Variants in PTPRN2 observed in about 807,000 individuals in gnomAD.
PTPRN2 encodes receptor-type tyrosine-protein phosphatase N2.
A neutral mutation model predicts 118.8 loss-of-function variants in PTPRN2; 74 were observed. That is an observed-to-expected ratio of 0.62 (90% CI 0.52 to 0.76). The LOEUF is 0.76. Ranked by LOEUF, PTPRN2 falls within the 30% of genes least tolerant of loss-of-function variation. PTPRN2 has a pLI of 0.00. For missense variants in PTPRN2, 1,481 were observed against 1,394.4 expected (o/e 1.06, Z -0.99); for synonymous variants, 641 against 608.0 (o/e 1.05, Z -0.80).
chr7:158,385,586 A>G (rs1275726384), intron 2 of PTPRN2, among the ~76,000 whole-genome samples: 5 of 152,240 alleles, frequency 3.3e-5, no homozygotes, highest in Non-Finnish European at 7.3e-5. Context: ...TAATGATAAT[A>G]ATGCCTTAAG....
At chr7:158,311,720 C>CAGA (rs1243102025) in intron 3 of PTPRN2, among the ~76,000 whole-genome samples, 1 of 152,220 alleles carries the variant, frequency 6.6e-6, no homozygotes, top group Non-Finnish European at 1.5e-5. Flanking sequence ...AGACGACAGG[C>CAGA]AGAAGCACAG....
At position 157,840,440 on chromosome 7, in the gene PTPRN2, G is replaced by A. The variant is rs554248160; in HGVS notation, c.1788+58233C>T. Reference sequence around the variant, plus strand: ...TGACTGTGTGTGACTGTGTGACCGCGTGTGACTGTGTGACCGCGTGTGACT... The same window carrying A: ...TGACTGTGTGTGACTGTGTGACCGCATGTGACTGTGTGACCGCGTGTGACT... On this transcript the variant is annotated intron_variant, in intron 12 of 22. Coordinates refer to ENST00000389418, the MANE Select transcript of PTPRN2 (RefSeq NM_002847.5). Among the ~76,000 whole-genome samples, 3 of 151,162 alleles carry A rather than the reference G, an allele frequency of 2.0e-5. No homozygotes were observed. In the South Asian group the frequency reaches 6.4e-4, roughly 32 times the overall value.
chr7:157,554,779 C>T (rs956709990), intron 21 of PTPRN2, among the ~76,000 whole-genome samples: 21 of 152,366 alleles, frequency 1.4e-4, no homozygotes, highest in African/African-American at 5.1e-4. Flanking sequence ...GGGGACAGAG[C>T]GTGGGGTCCA....
At position 157,764,247 on chromosome 7, in the gene PTPRN2, G is replaced by A. The variant is rs944361262; in HGVS notation, c.1789-81310C>T. 2.0e-5 allele frequency among the ~76,000 whole-genome samples: 3 copies of A among 152,192 alleles called. No individual in the cohort carries two copies. The highest frequency in any genetic ancestry group is 2.1e-4 in the South Asian group (1 of 4,826). ...CCAGGGGCATATGCCCAAAAGCACC[G>A]AATGCAGTGACTCAGAGAGAGATTC... On this transcript the variant is annotated intron_variant, in intron 12 of 22. Coordinates refer to ENST00000389418, the MANE Select transcript of PTPRN2 (RefSeq NM_002847.5). The surrounding 1 kb of genome is among the most constrained non-coding windows in gnomAD (Gnocchi z 4.5).
chr7:158,251,547 T>A lies in PTPRN2; in HGVS notation c.278-46274A>T, dbSNP rs548293075. Among the ~76,000 whole-genome samples, 24 of 137,758 alleles carry A rather than the reference T, an allele frequency of 1.7e-4. 2 individuals carry two copies. Among genetic ancestry groups the A allele is most frequent in the Admixed American group, 1.7e-3 (23 of 13,366 alleles). 90.4% of individuals were successfully genotyped at this position (137,758 alleles called of 152,430 possible). A position where few individuals can be genotyped will look rare whatever the true frequency, so the allele number is the denominator to read the frequency against. ...GTGCATGTGGGGGGTGTGCAATGGA[T>A]GTCTATGGTGCCTGTGGGGTGTGTG... On this transcript the variant is annotated intron_variant, in intron 3 of 22. Transcript: ENST00000389418.
chr7:157,754,492 C>T (rs906384517), intron 12 of PTPRN2, among the ~76,000 whole-genome samples: 1 of 152,246 alleles, frequency 6.6e-6, no homozygotes, highest in African/African-American at 2.4e-5. Flanking sequence ...AGCCCCTGTC[C>T]CCCCTTGGCT....
intron 12 of PTPRN2, among the ~76,000 whole-genome samples, chr7:157,706,910 A>C (rs1001989834): frequency 6.6e-6 from 1 of 151,528 alleles, no homozygotes; most frequent in African/African-American, 2.4e-5. Flanking sequence ...ATCCCTCCAG[A>C]ATGCCGGGAA....
chr7:158,208,281 G>A (rs1397408328), intron 3 of PTPRN2, among the ~76,000 whole-genome samples: 1 of 152,142 alleles, frequency 6.6e-6, no homozygotes, highest in East Asian at 1.9e-4. Flanking sequence ...AGATGTCAGT[G>A]TTCAAGTATA....
rs144584402 is a variant in PTPRN2, at chr7:157,657,901, GACAC to G, written c.2002-1354_2002-1351del. On this transcript the variant is annotated intron_variant, in intron 13 of 22. Transcript: ENST00000389418. ...ACACACACACACCACACACATCACA[GACAC>G]ACACACACCACACACATCGCAGACA... Among the ~76,000 whole-genome samples, 525 of 104,310 alleles carry G rather than the reference GACAC, an allele frequency of 5.0e-3. 20 individuals are homozygous for G. Among genetic ancestry groups the G allele is most frequent in the East Asian group, 0.035 (117 of 3,338 alleles). 68.4% of individuals were successfully genotyped at this position (104,310 alleles called of 152,430 possible).
chr7:158,476,732 C>T (rs58169200), intron 2 of PTPRN2, among the ~76,000 whole-genome samples: 12,799 of 152,326 alleles, frequency 0.084, 605 homozygotes, highest in Middle Eastern at 0.12. Flanking sequence ...GCGTCCTTAG[C>T]GGGGATGCTA....
chr7:158,411,752 G>A (rs1814112608), intron 2 of PTPRN2, among the ~76,000 whole-genome samples: 1 of 152,206 alleles, frequency 6.6e-6, no homozygotes, highest in Middle Eastern at 3.2e-3. Flanking sequence ...GGTCTCAGGG[G>A]CCAGGGCCCA....
chr7:157,994,880 C>T (rs759400958), intron 11 of PTPRN2, among the ~76,000 whole-genome samples: 4 of 8,324 alleles, frequency 4.8e-4, no homozygotes, highest in Non-Finnish European at 7.0e-4. Context: ...CTAAAATCAA[C>T]GCCGTGTCCC....
intron 2 of PTPRN2, among the ~76,000 whole-genome samples, chr7:158,435,062 A>G (rs1298797696): frequency 1.3e-5 from 2 of 152,240 alleles, no homozygotes; most frequent in Non-Finnish European, 1.5e-5. Context: ...TTTTTTGGAT[A>G]TGACACCAAA....
intron 11 of PTPRN2, among the ~76,000 whole-genome samples, chr7:157,942,193 A>ACG (rs112859007): frequency 0.031 from 1,139 of 36,632 alleles, 24 homozygotes; most frequent in Middle Eastern, 0.028. Flanking sequence ...CACCCTCCAC[A>ACG]CACAGGGGTC....
At chr7:158,198,451 G>A (rs1024370723) in intron 4 of PTPRN2, among the ~76,000 whole-genome samples, 2 of 152,190 alleles carry the variant, frequency 1.3e-5, no homozygotes, top group African/African-American at 4.8e-5. Flanking sequence ...GATAATATGA[G>A]ATAGTCTAGA....
At chr7:158,460,056 T>C (rs551044801) in intron 2 of PTPRN2, among the ~76,000 whole-genome samples, 170 of 116,876 alleles carry the variant, frequency 1.5e-3, no homozygotes, top group Non-Finnish European at 1.8e-3. Flanking sequence ...GTCATCCAGC[T>C]GCAGGATGGG....
chr7:157,614,998 G>T (rs778867016), intron 15 of PTPRN2, among the ~76,000 whole-genome samples: 6 of 152,244 alleles, frequency 3.9e-5, no homozygotes, highest in Non-Finnish European at 7.3e-5. Flanking sequence ...GTTATAACGG[G>T]GCTGCAGCTA....
At chr7:158,396,583 A>C (rs1038693358) in intron 2 of PTPRN2, among the ~76,000 whole-genome samples, 4 of 152,114 alleles carry the variant, frequency 2.6e-5, no homozygotes, top group African/African-American at 9.7e-5. Context: ...ACAAGCAGCC[A>C]GGATGTTAGA....
chr7:158,008,493 G>A (rs901918503), intron 11 of PTPRN2, among the ~76,000 whole-genome samples: 3 of 152,190 alleles, frequency 2.0e-5, no homozygotes, highest in African/African-American at 4.8e-5. Context: ...CTTACACGGC[G>A]GAAACACCCT....
Sources: gnomAD v4.1 joint callset for allele counts (sites outside exome capture counted in the v4.1 genomes callset) on GRCh38, gnomAD v4.1.1 for gene constraint, Gnocchi (gnomAD v3.1) non-coding constraint, MANE v1.5 for transcripts, NCBI Gene and HGNC (gene_info 2026-07-23, HGNC 2026-07-21) for gene names.